Variants in EIF2S2 observed in about 807,000 individuals in gnomAD.
EIF2S2 encodes the protein eukaryotic translation initiation factor 2 subunit 2.
A neutral mutation model predicts 44.0 loss-of-function variants in EIF2S2; 4 were observed. That is an observed-to-expected ratio of 0.09 (90% CI 0.04 to 0.21). The LOEUF (loss-of-function observed/expected upper bound fraction) is 0.21. Ranked by LOEUF, EIF2S2 falls within the 10% of genes least tolerant of loss-of-function variation. The pLI is 1.00. For synonymous variants in EIF2S2, 108 were observed against 128.3 expected (o/e 0.84, Z 1.07); for missense variants, 154 against 392.0 (o/e 0.39, Z 5.13).
intron 3 of EIF2S2, among the ~76,000 whole-genome samples, chr20:34,098,835 T>C (rs2034262852): frequency 6.6e-6 from 1 of 152,174 alleles, no homozygotes; most frequent in South Asian, 2.1e-4. Flanking sequence ...GCCTGTTCTT[T>C]TTTAAAAATG....
chr20:34,088,806 A>G lies in EIF2S2; in HGVS notation c.*924T>C, dbSNP rs1159369765. The stretch of plus-strand genomic sequence containing the variant: ...TTCTTGGTTTCTCATGGTCATATTC[A>G]AAAGCGACTTTTAAATCAGAAAATA... On this transcript the variant is annotated 3_prime_UTR_variant, in exon 9 of 9. Coordinates refer to ENST00000374980, the MANE Select transcript of EIF2S2 (RefSeq NM_003908.5). 6.6e-6 allele frequency: 1 copy of G among 152,218 alleles called. No individual in the cohort carries two copies. The highest frequency in any genetic ancestry group is 1.5e-5 in the Non-Finnish European group (1 of 68,034). 9.4% of individuals were successfully genotyped at this position (152,218 alleles called of 1,614,324 possible).
At chr20:34,091,255 G>A (rs2034158974) in intron 7 of EIF2S2, among the ~76,000 whole-genome samples, 1 of 152,142 alleles carries the variant, frequency 6.6e-6, no homozygotes, top group East Asian at 1.9e-4. Context: ...GCAAGGCAAA[G>A]GAGAGACCTA....
intron 1 of EIF2S2, among the ~76,000 whole-genome samples, chr20:34,109,961 T>G (rs1390184254): frequency 2.0e-5 from 3 of 151,214 alleles, no homozygotes; most frequent in Admixed American, 6.6e-5. Flanking sequence ...TAGCTGGGCA[T>G]GGTGGCAGGC....
chr20:34,101,675 CTTTTTTT>C (rs891453441), intron 3 of EIF2S2, among the ~76,000 whole-genome samples: 5 of 132,424 alleles, frequency 3.8e-5, no homozygotes, highest in South Asian at 2.5e-4. Flanking sequence ...AAGTATTTTT[CTTTTTTT>C]TTTTTTTTTT....
chr20:34,091,441 TGTG>T (rs1456152429), intron 7 of EIF2S2, among the ~76,000 whole-genome samples: 8 of 151,984 alleles, frequency 5.3e-5, no homozygotes, highest in Non-Finnish European at 1.2e-4. Flanking sequence ...TGGGGCCAGG[TGTG>T]GTGGCTCACG....
chr20:34,099,906 G>C (rs1229376840), intron 3 of EIF2S2, among the ~76,000 whole-genome samples: 1 of 152,154 alleles, frequency 6.6e-6, no homozygotes, highest in Non-Finnish European at 1.5e-5. Context: ...GCCACACCAG[G>C]GACATCACCC....
At chr20:34,094,105 T>C (rs926208691) in intron 6 of EIF2S2, among the ~76,000 whole-genome samples, 8 of 152,142 alleles carry the variant, frequency 5.3e-5, no homozygotes, top group Non-Finnish European at 4.4e-5. Context: ...TTGCCCAGAC[T>C]GGTATGGAAC....
At chr20:34,090,697 T>TCAGTAGC (rs1169599788) in intron 7 of EIF2S2, 95 bp from the exon 8 acceptor site, 4 of 680,286 alleles carry the variant, frequency 5.9e-6, no homozygotes, top group Non-Finnish European at 4.9e-6. Flanking sequence ...TAAAATATAT[T>TCAGTAGC]CAGTAGCATA....
rs562105590 is a variant in EIF2S2 at position 34,109,910 on chromosome 20, A to G, written c.15+2186T>C. On this transcript the variant is annotated intron_variant, in intron 1 of 8. Coordinates refer to ENST00000374980, the MANE Select transcript of EIF2S2 (RefSeq NM_003908.5). ...AGAAGGTCAGGAGTTCAAGACCAAC[A>G]TAGTGAGACCCCGTCTCTACTAAAA... 2.6e-5 allele frequency among the ~76,000 whole-genome samples: 4 copies of G among 151,722 alleles called. No homozygotes were observed. In the East Asian group the frequency reaches 5.8e-4, roughly 22 times the overall value.
At chr20:34,112,022 C>T in intron 1 of EIF2S2, 74 bp downstream of exon 1, 4 of 1,328,604 alleles carry the variant, frequency 3.0e-6, no homozygotes, top group Non-Finnish European at 3.9e-6. Flanking sequence ...GGCCGCAGGC[C>T]CGTTCTCCCA....
At chr20:34,109,361 T>A (rs1339237954) in intron 1 of EIF2S2, among the ~76,000 whole-genome samples, 1 of 152,170 alleles carries the variant, frequency 6.6e-6, no homozygotes. Context: ...TTCTTTTCCC[T>A]TACCAGGTAG....
rs1367814306 is a variant in EIF2S2, at chr20:34,101,927, G to A, written c.297+1535C>T. Among the ~76,000 whole-genome samples the A allele has an allele frequency of 3.9e-5, 6 of 151,966 alleles. 1 individual carries two copies. Among genetic ancestry groups the A allele is most frequent in the South Asian group, 4.2e-4 (2 of 4,812 alleles). ...TGACCTCAGGTGATCTGCCCACCTC[G>A]GCCTCCCAAAGTGCTGGGATTACAG... On this transcript the variant is annotated intron_variant, in intron 3 of 8. Coordinates refer to ENST00000374980, the MANE Select transcript of EIF2S2 (RefSeq NM_003908.5).
chr20:34,094,037 T>A (rs988917408), intron 6 of EIF2S2, among the ~76,000 whole-genome samples: 6 of 152,140 alleles, frequency 3.9e-5, no homozygotes, highest in Non-Finnish European at 8.8e-5. Context: ...ACTACAGGTG[T>A]GTGCCACCAT....
chr20:34,098,858 A>G (rs1022759541), intron 3 of EIF2S2, among the ~76,000 whole-genome samples: 52 of 152,246 alleles, frequency 3.4e-4, no homozygotes, highest in African/African-American at 1.2e-3. Flanking sequence ...GTGGGCTGAC[A>G]TTATTTTGGC....
rs4911406 is a variant in EIF2S2, at chr20:34,090,562, T to G, written c.781A>C (p.Arg261=). Residue 261 remains arginine, a synonymous_variant, in exon 8 of 9, where the codon AGA becomes CGA. Transcript: ENST00000374980. The part of the protein sequence containing the change: ...DGNNQLVIKG[R]FQQKQIENVL... The stretch of plus-strand genomic sequence containing the variant: ...TTTTCTATCTGTTTCTGTTGGAATC[T>G]TCCTTTGATTACAAGTTGGTTATTA... 7.8e-3 allele frequency: 12,122 copies of G among 1,544,860 alleles called. 172 individuals are homozygous for G. The highest frequency in any genetic ancestry group is 0.072 in the East Asian group (2,987 of 41,254).
intron 1 of EIF2S2, among the ~76,000 whole-genome samples, chr20:34,109,047 C>T (rs1023118949): frequency 5.3e-5 from 8 of 152,092 alleles, no homozygotes; most frequent in African/African-American, 1.9e-4. Flanking sequence ...CTCCTGGCCT[C>T]AGCCTCCTGA....
At chr20:34,098,265 C>T (rs922759895) in intron 4 of EIF2S2, among the ~76,000 whole-genome samples, 4 of 151,752 alleles carry the variant, frequency 2.6e-5, no homozygotes, top group African/African-American at 7.3e-5. Flanking sequence ...AAAAAAAATC[C>T]GGTTATAGTA....
rs1219970156 is a variant in EIF2S2, at chr20:34,112,077, G to A, written c.15+19C>T. 6.5e-7 allele frequency: 1 copy of A among 1,547,122 alleles called. No homozygotes were observed. Among genetic ancestry groups the A allele is most frequent in the Non-Finnish European group, 8.8e-7 (1 of 1,142,420 alleles). ...TCTCGCCTCAATCCTTAGCCCTTAC[G>A]CCGGGCTCAGATCCTCACCTCGTCC... On this transcript the variant is annotated intron_variant, in intron 1 of 8. Transcript: ENST00000374980.
intron 3 of EIF2S2, among the ~76,000 whole-genome samples, chr20:34,099,455 A>G (rs1406451194): frequency 6.6e-6 from 1 of 152,210 alleles, no homozygotes; most frequent in Non-Finnish European, 1.5e-5. Flanking sequence ...ACTTTAAAGA[A>G]GTTTCTAAGT....
Sources: allele counts gnomAD v4.1 joint callset (sites outside exome capture counted in the v4.1 genomes callset), GRCh38; gene constraint gnomAD v4.1.1; transcripts MANE v1.5; gene names NCBI Gene and HGNC (gene_info 2026-07-23, HGNC 2026-07-21).